FER: variants seen among roughly 807,000 people sequenced by gnomAD.
FER encodes tyrosine-protein kinase Fer.
FER carries 63 observed loss-of-function variants against 111.0 expected under a neutral mutation model. The observed-to-expected ratio is 0.57, with a 90% CI of 0.46 to 0.70. The LOEUF is 0.70. Ranked by LOEUF, FER falls within the 30% of genes least tolerant of loss-of-function variation. The pLI is 0.00. For synonymous variants in FER, 327 were observed against 313.9 expected (o/e 1.04, Z -0.44); for missense variants, 914 against 954.0 (o/e 0.96, Z 0.55).
chr5:109,034,383 T>G (rs1281904167), intron 13 of FER, among the ~76,000 whole-genome samples: 2 of 152,138 alleles, frequency 1.3e-5, no homozygotes, highest in Non-Finnish European at 2.9e-5. Flanking sequence ...CTTACTTCTT[T>G]TCATTTCGAG....
intron 19 of FER, 40 bp from the exon 20 acceptor site, chr5:109,187,393 C>T: frequency 6.2e-7 from 1 of 1,600,998 alleles, no homozygotes. Context: ...TGTGTCTTAC[C>T]TCCATTCTAA....
rs1049625302 is a variant in FER, at chr5:108,894,364, G to A, written c.1047-3295G>A. Reference sequence around the variant, plus strand: ...AGCCATCACTGTTTCTGCTGCAAGGGTTCCTTCCTTGCTGCATCCTGTAGC... The same window carrying A: ...AGCCATCACTGTTTCTGCTGCAAGGATTCCTTCCTTGCTGCATCCTGTAGC... On this transcript the variant is annotated intron_variant, in intron 9 of 19. Coordinates refer to ENST00000281092, the MANE Select transcript of FER (RefSeq NM_005246.4). 16 of 988,406 alleles carry A rather than the reference G, an allele frequency of 1.6e-5. No homozygotes were observed. The South Asian group carries it at 2.8e-4, about 17-fold the overall frequency. The allele number at this position is 988,406 out of a possible 1,614,324, so 61.2% of individuals were successfully genotyped here. A position where few individuals can be genotyped will look rare whatever the true frequency, so the allele number is the denominator to read the frequency against.
chr5:108,992,117 G>A (rs951183186), intron 13 of FER, among the ~76,000 whole-genome samples: 3 of 152,026 alleles, frequency 2.0e-5, no homozygotes, highest in African/African-American at 7.2e-5. Flanking sequence ...GTTTAACAAA[G>A]CACATCTTGC....
At chr5:108,768,312 C>T (rs1752540510) in intron 2 of FER, 74 bp downstream of exon 2, 1 of 152,098 alleles carries the variant, frequency 6.6e-6, no homozygotes, top group South Asian at 2.1e-4. Flanking sequence ...TGTGACTTGT[C>T]TTGATTTTGT....
intron 17 of FER, among the ~76,000 whole-genome samples, chr5:109,125,462 A>G (rs528212642): frequency 1.1e-4 from 16 of 152,356 alleles, no homozygotes; most frequent in African/African-American, 3.4e-4. Context: ...ATCTGTGACT[A>G]AGTTCACTGT....
At chr5:109,147,780 CATATATATAT>C (rs145167406) in intron 17 of FER, among the ~76,000 whole-genome samples, 115 of 140,152 alleles carry the variant, frequency 8.2e-4, no homozygotes, top group African/African-American at 2.8e-3. Context: ...CACACACATA[CATATATATAT>C]ATATATATAT....
Position 109,188,823 on chromosome 5 carries a change from T to TA in FER, c.*1248_*1249insA, listed in dbSNP as rs1278777323. The TA allele has an allele frequency of 1.3e-5, 2 of 152,188 alleles. No individual in the cohort carries two copies. The highest frequency in any genetic ancestry group is 2.9e-5 in the Non-Finnish European group (2 of 68,034). The allele number at this position is 152,188 out of a possible 1,614,324, so 9.4% of individuals were successfully genotyped here. A position where few individuals can be genotyped will look rare whatever the true frequency, so the allele number is the denominator to read the frequency against. ...AGCATTTTCACCTTAGAGGGGGCAT[T>TA]CCAAAATGTAATTTCCTTTATTTGT... On this transcript the variant is annotated 3_prime_UTR_variant, in exon 20 of 20. Transcript: ENST00000281092.
chr5:109,009,419 A>C (rs1431306129), intron 13 of FER, among the ~76,000 whole-genome samples: 5 of 152,062 alleles, frequency 3.3e-5, no homozygotes, highest in Admixed American at 3.3e-4. Flanking sequence ...GATGTTTCTC[A>C]TCAGCGACCT....
intron 10 of FER, among the ~76,000 whole-genome samples, chr5:108,945,165 A>C (rs1756808546): frequency 6.6e-6 from 1 of 152,146 alleles, no homozygotes; most frequent in African/African-American, 2.4e-5. Context: ...CCAGAAGTAA[A>C]ATTTGGCATC....
intron 17 of FER, among the ~76,000 whole-genome samples, chr5:109,116,225 A>G (rs1750212548): frequency 6.6e-6 from 1 of 152,062 alleles, no homozygotes; most frequent in African/African-American, 2.4e-5. Flanking sequence ...CTATACTGGG[A>G]GATGGAAACC....
chr5:108,927,753 C>G (rs1753986820), intron 10 of FER, among the ~76,000 whole-genome samples: 1 of 152,130 alleles, frequency 6.6e-6, no homozygotes. Flanking sequence ...TACTTTTGGT[C>G]ATTTTGGGAT....
At chr5:109,174,886 C>T (rs1052497551) in intron 17 of FER, among the ~76,000 whole-genome samples, 3 of 152,254 alleles carry the variant, frequency 2.0e-5, no homozygotes, top group Admixed American at 2.0e-4. Flanking sequence ...TCTGGAGCTG[C>T]GCTGCTGGGA....
chr5:109,097,583 A>G (rs1311307889), intron 16 of FER, among the ~76,000 whole-genome samples: 2 of 151,924 alleles, frequency 1.3e-5, no homozygotes, highest in African/African-American at 4.8e-5. Flanking sequence ...ATGACAAAAG[A>G]ACAAGTTGAA....
At chr5:109,013,012 T>C (rs1766503074) in intron 13 of FER, among the ~76,000 whole-genome samples, 1 of 151,786 alleles carries the variant, frequency 6.6e-6, no homozygotes, top group South Asian at 2.1e-4. Context: ...AGAATGGTGA[T>C]GAAGTGTTAA....
chr5:109,123,680 A>G (rs1751306720), intron 17 of FER, among the ~76,000 whole-genome samples: 2 of 152,338 alleles, frequency 1.3e-5, no homozygotes, highest in Admixed American at 6.5e-5. Context: ...TAAAGATTCT[A>G]TACTTTAATT....
chr5:108,749,174 G>A (rs1750136190), intron 1 of FER, among the ~76,000 whole-genome samples: 1 of 152,044 alleles, frequency 6.6e-6, no homozygotes. Flanking sequence ...CCCTCAGCCA[G>A]CGCCCCCCCC....
intron 17 of FER, among the ~76,000 whole-genome samples, chr5:109,106,494 T>G (rs935688138): frequency 4.6e-5 from 7 of 151,884 alleles, no homozygotes; most frequent in Non-Finnish European, 1.0e-4. Context: ...TTCTGACATT[T>G]GATTTACAAT....
At chr5:108,983,527 G>C (rs778677398) in intron 13 of FER, among the ~76,000 whole-genome samples, 3 of 151,950 alleles carry the variant, frequency 2.0e-5, no homozygotes, top group Admixed American at 6.6e-5. Context: ...ATTAATTTTT[G>C]TCCTCTGATG....
Position 108,826,135 on chromosome 5 carries a change from A to G in FER, c.208-6635A>G, listed in dbSNP as rs547482542. 3.9e-5 allele frequency among the ~76,000 whole-genome samples: 6 copies of G among 152,278 alleles called. No homozygotes were observed. The South Asian group carries it at 1.2e-3, about 32-fold the overall frequency. On this transcript the variant is annotated intron_variant, in intron 3 of 19. Transcript: ENST00000281092. The stretch of plus-strand genomic sequence containing the variant: ...TGATTCCTTGAGAATTTTTATCATG[A>G]AAGGATGTTGAATTTTGCCCAATAC...
Sources: allele counts gnomAD v4.1 joint callset (sites outside exome capture counted in the v4.1 genomes callset), GRCh38; gene constraint gnomAD v4.1.1; transcripts MANE v1.5; gene names NCBI Gene and HGNC (gene_info 2026-07-23, HGNC 2026-07-21).